APP: variants seen among roughly 807,000 people sequenced by gnomAD.
The protein encoded by APP is amyloid-beta precursor protein.
A neutral mutation model predicts 101.4 loss-of-function variants in APP; 31 were observed. The ratio of observed to expected loss-of-function variants is 0.31; its 90% confidence interval spans 0.23 to 0.41. The LOEUF is 0.41. APP is among the 10% of genes least tolerant of loss of function. The pLI is 1.00. For synonymous variants in APP, 366 were observed against 364.4 expected (o/e 1.00, Z -0.05); for missense variants, 839 against 1,003.7 (o/e 0.84, Z 2.22).
chr21:26,081,223 ATCT>A (rs2061592304), intron 3 of APP, among the ~76,000 whole-genome samples: 1 of 152,160 alleles, frequency 6.6e-6, no homozygotes, highest in Admixed American at 6.6e-5. Context: ...CTTTACCCAC[ATCT>A]TCTTCTCATT....
At chr21:26,003,268 G>T (rs906410343) in intron 6 of APP, among the ~76,000 whole-genome samples, 1 of 152,222 alleles carries the variant, frequency 6.6e-6, no homozygotes, top group East Asian at 1.9e-4. Context: ...TAAGCTACAC[G>T]TTGAGCCTAC....
chr21:26,140,161 T>TA (rs1247942654), intron 1 of APP: 2 of 1,535,310 alleles, frequency 1.3e-6, no homozygotes, highest in African/African-American at 2.7e-5. Context: ...ACATAGTTGA[T>TA]AAACAGAACC....
At chr21:25,926,141 C>G (rs1378410078) in intron 13 of APP, among the ~76,000 whole-genome samples, 2 of 152,208 alleles carry the variant, frequency 1.3e-5, no homozygotes, top group Admixed American at 1.3e-4. Flanking sequence ...AGACTGGTCA[C>G]AGACTTCCTT....
chr21:26,026,172 C>G (rs1259865763), intron 5 of APP, among the ~76,000 whole-genome samples: 1 of 152,202 alleles, frequency 6.6e-6, no homozygotes, highest in African/African-American at 2.4e-5. Context: ...CAAATAACAA[C>G]TCACAATAAA....
chr21:26,132,596 G>A (rs1161551168), intron 1 of APP, among the ~76,000 whole-genome samples: 1 of 152,106 alleles, frequency 6.6e-6, no homozygotes, highest in African/African-American at 2.4e-5. Context: ...TATGATTTCT[G>A]CTTTATTACT....
intron 3 of APP, among the ~76,000 whole-genome samples, chr21:26,064,130 C>A (rs1318086363): frequency 6.6e-6 from 1 of 152,088 alleles, no homozygotes; most frequent in Non-Finnish European, 1.5e-5. Context: ...ACTGTCATAG[C>A]CAAGAGGAAA....
At position 26,096,801 on chromosome 21, in the gene APP, C is replaced by T. The variant is rs150196127; in HGVS notation, c.226-6729G>A. On this transcript the variant is annotated intron_variant, in intron 2 of 17. Transcript: ENST00000346798. The stretch of plus-strand genomic sequence containing the variant: ...AAAAAAACAAAAAACAAAAACAGAA[C>T]GTAACAAAAAAACAAAGAAAAGCCC... 3.2e-3 allele frequency among the ~76,000 whole-genome samples: 490 copies of T among 152,050 alleles called. 5 individuals carry two copies. Among genetic ancestry groups the T allele is most frequent in the Non-Finnish European group, 2.6e-3 (179 of 67,980 alleles).
rs2041887937 is a variant in APP at position 25,968,638 on chromosome 21, G to C, written c.1458+6432C>G. Among the ~76,000 whole-genome samples the C allele has an allele frequency of 2.0e-5, 3 of 152,220 alleles. No homozygotes were observed. In the South Asian group the frequency reaches 6.2e-4, roughly 32 times the overall value. ...ACTCAGGAAATGAAATTCATTAGTA[G>C]AACAAGGAATTCTAGCTGCACAAAA... On this transcript the variant is annotated intron_variant, in intron 11 of 17. Coordinates refer to ENST00000346798, the MANE Select transcript of APP (RefSeq NM_000484.4).
chr21:26,054,969 A>G (rs183858508), intron 3 of APP, among the ~76,000 whole-genome samples: 368 of 152,302 alleles, frequency 2.4e-3, no homozygotes, highest in Non-Finnish European at 4.0e-3. Context: ...CAAACATGTA[A>G]GATGTAGCAT....
chr21:25,918,990 C>A (rs1180835356), intron 13 of APP, among the ~76,000 whole-genome samples: 1 of 44,146 alleles, frequency 2.3e-5, no homozygotes, highest in African/African-American at 9.5e-5. Flanking sequence ...TGTCTGACAG[C>A]TTTGAAGAGA....
chr21:25,983,393 A>T (rs2042514643), intron 8 of APP, among the ~76,000 whole-genome samples: 1 of 152,252 alleles, frequency 6.6e-6, no homozygotes, highest in African/African-American at 2.4e-5. Context: ...TCAAAAGGTT[A>T]TTCAAATATC....
intron 13 of APP, among the ~76,000 whole-genome samples, chr21:25,948,660 A>T (rs746984087): frequency 3.9e-5 from 6 of 152,214 alleles, no homozygotes; most frequent in Non-Finnish European, 8.8e-5. Context: ...TTATTATAGC[A>T]TTCTGTAAAA....
chr21:26,024,523 A>G (rs372049972), intron 5 of APP, among the ~76,000 whole-genome samples: 4 of 152,208 alleles, frequency 2.6e-5, no homozygotes, highest in East Asian at 3.9e-4. Flanking sequence ...TCCATGATCT[A>G]CGACAATAGA....
At chr21:26,085,524 C>T (rs931970522) in intron 3 of APP, among the ~76,000 whole-genome samples, 1 of 152,152 alleles carries the variant, frequency 6.6e-6, no homozygotes, top group Non-Finnish European at 1.5e-5. Flanking sequence ...GGATTACATA[C>T]GGGGATTTAC....
At chr21:26,142,566 C>T (rs1233752027) in intron 1 of APP, among the ~76,000 whole-genome samples, 2 of 152,102 alleles carry the variant, frequency 1.3e-5, no homozygotes, top group Non-Finnish European at 2.9e-5. Flanking sequence ...GCCAGGAGTT[C>T]AAGACCAGTC....
intron 1 of APP, among the ~76,000 whole-genome samples, chr21:26,161,931 TA>T (rs1317398995): frequency 1.3e-5 from 2 of 152,018 alleles, no homozygotes; most frequent in Non-Finnish European, 2.9e-5. Flanking sequence ...TTTTGAAAGA[TA>T]AAAAAATCAA....
intron 11 of APP, among the ~76,000 whole-genome samples, chr21:25,958,566 G>A (rs201984986): frequency 0.029 from 1 of 34 alleles, no homozygotes; most frequent in Non-Finnish European, 0.062. Context: ...CGTGCGACCA[G>A]TGCACGGCCA....
intron 3 of APP, among the ~76,000 whole-genome samples, chr21:26,055,334 C>T (rs1462019708): frequency 3.3e-5 from 5 of 152,012 alleles, no homozygotes; most frequent in Non-Finnish European, 7.4e-5. Flanking sequence ...CAGAGATAAG[C>T]ATTAAGATAT....
intron 8 of APP, among the ~76,000 whole-genome samples, chr21:25,985,363 G>A (rs1197746405): frequency 1.3e-5 from 2 of 152,148 alleles, no homozygotes; most frequent in African/African-American, 4.8e-5. Context: ...CGGAATTGGT[G>A]CACTCAGTAA....
Sources: allele counts gnomAD v4.1 joint callset (sites outside exome capture counted in the v4.1 genomes callset), GRCh38; gene constraint gnomAD v4.1.1; transcripts MANE v1.5; gene names NCBI Gene and HGNC (gene_info 2026-07-23, HGNC 2026-07-21).